KAT5: variants seen among roughly 807,000 people sequenced by gnomAD.
KAT5 encodes lysine acetyltransferase 5.
A neutral mutation model predicts 68.1 loss-of-function variants in KAT5; 31 were observed. The observed-to-expected ratio is 0.46, with a 90% CI of 0.34 to 0.61. The LOEUF (loss-of-function observed/expected upper bound fraction) is 0.61, where lower values mean the gene tolerates loss of function less well. Ranked by LOEUF, KAT5 falls within the 20% of genes least tolerant of loss-of-function variation. KAT5 has a pLI of 0.01. For missense variants in KAT5, 451 were observed against 725.5 expected (o/e 0.62, Z 4.35); for synonymous variants, 365 against 292.6 (o/e 1.25, Z -2.52).
At position 65,713,433 on chromosome 11, in the gene KAT5, C is replaced by T; in HGVS notation, c.470C>T (p.Ala157Val). 1 of 1,614,154 alleles carries T rather than the reference C, an allele frequency of 6.2e-7. No homozygotes were observed. Among genetic ancestry groups the T allele is most frequent in the South Asian group, 1.1e-5 (1 of 91,076 alleles). Residue 157 changes from alanine to valine, a missense_variant, in exon 4 of 13, where the codon GCC (alanine) becomes GTC (valine). By Grantham distance (64) the Ala-to-Val change is moderately conservative. Around this residue, in one of 4 missense-constraint regions of KAT5, gnomAD observed 135 missense variants for 173.4 expected, o/e 0.78. Transcript: ENST00000341318. The stretch of plus-strand genomic sequence containing the variant: ...TTCAACCTGCCCAAGGAGCGGGAGG[C>T]CATTCCCGGTGGCGAGCCTGACCAG... ...LRFNLPKERE[A>V]IPGGEPDQPL...
rs1341032718 is a variant in KAT5 at position 65,713,421 on chromosome 11, A to G, written c.458A>G (p.Lys153Arg). The G allele has an allele frequency of 1.4e-5, 22 of 1,614,046 alleles. No individual in the cohort carries two copies. In the East Asian group the frequency reaches 4.0e-4, roughly 29 times the overall value. The change falls in exon 4 of 13, where the codon AAG becomes AGG. Residue 153 changes from lysine to arginine, a missense_variant. Transcript: ENST00000341318. ...VQITLRFNLPKEREAIPGGEP... is the reference protein window; with the variant it reads ...VQITLRFNLPREREAIPGGEP... Reference sequence around the variant, plus strand: ...ATCACACTCCGCTTCAACCTGCCCAAGGAGCGGGAGGCCATTCCCGGTGGC... The same window carrying G: ...ATCACACTCCGCTTCAACCTGCCCAGGGAGCGGGAGGCCATTCCCGGTGGC...
At chr11:65,714,072 G>A (rs975068177) in intron 6 of KAT5, 2 of 578,798 alleles carry the variant, frequency 3.5e-6, no homozygotes, top group Non-Finnish European at 6.1e-6. Context: ...ACCAAGGCTG[G>A]TGGATCACCT....
intron 1 of KAT5, 69 bp downstream of exon 1, chr11:65,712,514 GA>G (rs1276158397): frequency 1.3e-6 from 2 of 1,528,864 alleles, no homozygotes; most frequent in South Asian, 2.4e-5. Context: ...GAAATCCCGG[GA>G]TGGGGAGGGG....
Position 65,713,749 on chromosome 11 carries a change from C to T in KAT5, c.616-25C>T, listed in dbSNP as rs962863089. 4 of 1,613,500 alleles carry T rather than the reference C, an allele frequency of 2.5e-6. No individual in the cohort carries two copies. In the African/African-American group the frequency reaches 5.3e-5, roughly 22 times the overall value. On this transcript the variant is annotated intron_variant, in intron 5 of 12. Transcript: ENST00000341318. ...TTTTCAGGCTCATTTCACAGCCATC[C>T]CTTCTTTTCCTACTATCTCGGCAGA...
chr11:65,714,149 A>T (rs916467258), intron 6 of KAT5: 13 of 504,766 alleles, frequency 2.6e-5, no homozygotes, highest in Non-Finnish European at 4.3e-5. Flanking sequence ...AAATACAAAA[A>T]TTAGCCAGGC....
intron 3 of KAT5, 112 bp from the exon 4 acceptor site, chr11:65,713,235 CT>C: frequency 7.5e-7 from 1 of 1,333,360 alleles, no homozygotes; most frequent in South Asian, 1.3e-5. Flanking sequence ...GTCCTGTGTC[CT>C]TCAGAAGGCG....
At chr11:65,713,191 A>G in intron 3 of KAT5, 133 bp downstream of exon 3, 2 of 1,345,838 alleles carry the variant, frequency 1.5e-6, no homozygotes, top group Non-Finnish European at 2.1e-6. Context: ...ATGGGGGCCA[A>G]ATTGCACATG....
intron 3 of KAT5, 55 bp from the exon 4 acceptor site, chr11:65,713,292 TC>T (rs1857085708): frequency 1.3e-6 from 2 of 1,570,506 alleles, no homozygotes; most frequent in African/African-American, 1.3e-5. Context: ...CTCTTCCCCT[TC>T]CCCATCCCAC....
In KAT5 at chr11:65,714,527, A is replaced by G. The variant is rs753586481; in HGVS notation, c.723A>G (p.Ser241=). 5.0e-6 allele frequency: 8 copies of G among 1,614,202 alleles called. No individual in the cohort carries two copies. The highest frequency in any genetic ancestry group is 6.8e-6 in the Non-Finnish European group (8 of 1,180,046). The change falls in exon 7 of 13, where the codon TCA becomes TCG. Residue 241 remains serine, a synonymous_variant. Coordinates refer to ENST00000341318, the MANE Select transcript of KAT5 (RefSeq NM_182710.3). ...DSQDSSDGIP[S]APRMTGSLVS... is the part of the protein sequence containing the mutation. ...AGGACAGCTCTGATGGAATACCGTC[A>G]GCACCACGCATGACTGGCAGCCTGG...
In KAT5 at chr11:65,719,123, TC is replaced by T; in HGVS notation, c.1584del (p.Ile528MetfsTer36). ...ERAMLKRLLR[I>X]DSKCLHFTPK... ...GCCATGCTCAAGCGGCTCCTGCGGA[TC>T]GACTCCAAGTGTCTGCACTTCACTC... is the stretch of plus-strand genomic sequence containing the variant. On this transcript the variant is annotated frameshift_variant, in exon 13 of 13. Coordinates refer to ENST00000341318, the MANE Select transcript of KAT5 (RefSeq NM_182710.3). LOFTEE classifies it high-confidence loss of function. 1 of 1,614,166 alleles carries T rather than the reference TC, an allele frequency of 6.2e-7. No individual in the cohort carries two copies. Among genetic ancestry groups the T allele is most frequent in the Non-Finnish European group, 8.5e-7 (1 of 1,180,016 alleles).
intron 10 of KAT5, chr11:65,717,789 C>G (rs575287669): frequency 1.3e-5 from 2 of 152,664 alleles, no homozygotes; most frequent in Admixed American, 6.5e-5. Flanking sequence ...TCTTGGAACT[C>G]AGACAGCAAT....
Position 65,719,336 on chromosome 11 carries a change from C to T in KAT5, c.*155C>T, listed in dbSNP as rs1857318312. ...CAGGCCTGGCAGGGGCCCACTGGTG[C>T]CCAGCACCAAGGCGAGCTCCGGGCT... On this transcript the variant is annotated 3_prime_UTR_variant, in exon 13 of 13. Coordinates refer to ENST00000341318, the MANE Select transcript of KAT5 (RefSeq NM_182710.3). 1.5e-5 allele frequency: 14 copies of T among 942,602 alleles called. No individual in the cohort carries two copies. Among genetic ancestry groups the T allele is most frequent in the Non-Finnish European group, 2.2e-5 (14 of 647,544 alleles). The allele number at this position is 942,602 out of a possible 1,614,324, so 58.4% of individuals were successfully genotyped here. A position where few individuals can be genotyped will look rare whatever the true frequency, so the allele number is the denominator to read the frequency against.
chr11:65,716,326 A>C (rs1857193689), intron 8 of KAT5: 1 of 264,266 alleles, frequency 3.8e-6, no homozygotes, highest in African/African-American at 2.2e-5. Flanking sequence ...CACTTTGGAC[A>C]CATTAGTTCG....
chr11:65,719,451 G>A lies in KAT5; in HGVS notation c.*270G>A, dbSNP rs529399711. On this transcript the variant is annotated 3_prime_UTR_variant, in exon 13 of 13. Coordinates refer to ENST00000341318, the MANE Select transcript of KAT5 (RefSeq NM_182710.3). ...GCCAGGCAGCTGTGTACAGTGAGAA[G>A]GGATCCGGATGGGGGAGCTCTGTAC... 51 of 604,460 alleles carry A rather than the reference G, an allele frequency of 8.4e-5. No homozygotes were observed. The East Asian group carries it at 1.4e-3, about 16-fold the overall frequency. The allele number at this position is 604,460 out of a possible 1,614,324, so 37.4% of individuals were successfully genotyped here.
intron 6 of KAT5, 97 bp downstream of exon 6, chr11:65,713,945 G>A (rs1196597632): frequency 2.6e-6 from 3 of 1,133,716 alleles, no homozygotes; most frequent in South Asian, 2.8e-5. Flanking sequence ...ATAAAGAAGG[G>A]GTGGTGGGCA....
chr11:65,714,973 G>A (rs944300703), intron 8 of KAT5, 63 bp downstream of exon 8: 8 of 1,422,958 alleles, frequency 5.6e-6, no homozygotes, highest in Non-Finnish European at 7.9e-6. Context: ...TCTTGCTCAG[G>A]TAAACACTGA....
In KAT5 at chr11:65,716,717, G is replaced by A; in HGVS notation, c.1080G>A (p.Lys360=). ...CLLAKCFLDH[K]TLYYDTDPFL... ...TGGCCAAGTGTTTCCTTGACCATAA[G>A]ACACTGTACTATGACACAGACCCTT... The change falls in exon 9 of 13, where the codon AAG becomes AAA. Residue 360 remains lysine, a synonymous_variant. Transcript: ENST00000341318. The A allele has an allele frequency of 6.2e-7, 1 of 1,613,878 alleles. No individual in the cohort carries two copies. Among genetic ancestry groups the A allele is most frequent in the Non-Finnish European group, 8.5e-7 (1 of 1,179,750 alleles).
At chr11:65,713,702 C>G in intron 5 of KAT5, 35 bp downstream of exon 5, 3 of 1,613,662 alleles carry the variant, frequency 1.9e-6, no homozygotes, top group Non-Finnish European at 2.5e-6. Context: ...TTCTCTTCCT[C>G]TCTTCTACTC....
Position 65,714,759 on chromosome 11 carries a change from G to A in KAT5, c.939+16G>A, listed in dbSNP as rs1159256776. On this transcript the variant is annotated intron_variant, in intron 7 of 12. Coordinates refer to ENST00000341318, the MANE Select transcript of KAT5 (RefSeq NM_182710.3). ...GCGTCATTTGGTATGAGGGGTCCAG[G>A]GAGGCTGCCTTCCCAGCACCCTCCA... The A allele has an allele frequency of 1.2e-5, 19 of 1,614,134 alleles. No homozygotes were observed. The highest frequency in any genetic ancestry group is 1.6e-5 in the Non-Finnish European group (19 of 1,180,026).
Sources: allele counts gnomAD v4.1 joint callset, GRCh38; gene constraint gnomAD v4.1.1; regional missense constraint gnomAD v4.1.1; transcripts MANE v1.5; gene names NCBI Gene and HGNC (gene_info 2026-07-23, HGNC 2026-07-21).